Variants in CIT observed in about 807,000 individuals in gnomAD.
The protein encoded by CIT is citron rho-interacting serine/threonine kinase.
A neutral mutation model predicts 272.7 loss-of-function variants in CIT; 79 were observed. The ratio of observed to expected loss-of-function variants is 0.29; its 90% CI spans 0.24 to 0.35. The LOEUF is 0.35. Among genes scored for constraint, CIT ranks in the 10% least tolerant of loss-of-function variants. The probability of loss-of-function intolerance (pLI) is 1.00; values close to 1 mark genes in which losing one functional copy is unlikely to be tolerated. For missense variants in CIT, 1,909 were observed against 2,618.3 expected (o/e 0.73, Z 5.91); for synonymous variants, 948 against 995.6 (o/e 0.95, Z 0.90).
rs756948376 is a variant in CIT at position 119,752,180 on chromosome 12, A to T, written c.2774T>A (p.Leu925Gln). ...KRQLTELQLS[L>Q]QERESQLTAL... ...TGTCAACTGTGACTCGCGCTCCTGC[A>T]GGGAGAGCTGTAGCTCTGTGAGCTG... is the stretch of plus-strand genomic sequence containing the variant. Residue 925 changes from leucine to glutamine, a missense_variant, in exon 23 of 48, where the codon CTG becomes CAG. Transcript: ENST00000392521. The T allele has an allele frequency of 4.3e-6, 7 of 1,612,262 alleles. No individual in the cohort carries two copies. The Admixed American group carries it at 1.2e-4, about 27-fold the overall frequency.
rs755717565 is a variant in CIT at position 119,718,282 on chromosome 12, C to T, written c.4131G>A (p.Pro1377=). The change falls in exon 32 of 48, where the codon CCG becomes CCA. Residue 1377 remains proline (P), a synonymous_variant. Coordinates refer to ENST00000392521, the MANE Select transcript of CIT (RefSeq NM_001206999.2). The surrounding 1 kb of genome is among the most constrained non-coding windows in gnomAD (Gnocchi z 4.8). ...HQPSAMSLLA[P]PSSRRKESST... is the part of the protein sequence containing the mutation. ...AAGACTCCTTTCTGCGGCTGGATGG[C>T]GGGGCCAGCAGGCTCATGGCACTGG... The T allele has an allele frequency of 8.1e-6, 13 of 1,613,554 alleles. No homozygotes were observed. Among genetic ancestry groups the T allele is most frequent in the East Asian group, 4.5e-5 (2 of 44,868 alleles).
intron 4 of CIT, among the ~76,000 whole-genome samples, chr12:119,857,112 C>T (rs1431487279): frequency 6.6e-6 from 1 of 152,190 alleles, no homozygotes; most frequent in Non-Finnish European, 1.5e-5. Flanking sequence ...TATTTGATTT[C>T]TTCAAAGGCC....
Position 119,758,693 on chromosome 12 carries a change from T to C in CIT, c.2429A>G (p.Asn810Ser), listed in dbSNP as rs150492001. 184 of 1,608,552 alleles carry C rather than the reference T, an allele frequency of 1.1e-4. No homozygotes were observed. Among genetic ancestry groups the C allele is most frequent in the Non-Finnish European group, 1.4e-4 (168 of 1,175,036 alleles). The stretch of plus-strand genomic sequence containing the variant: ...GGATCTGATCTTGGAATCCATAGCA[T>C]TGATCATCTGAAACACAGGGCACCT... ...KILSEQKAMINAMDSKIRSLE... is the reference protein window; with the variant it reads ...KILSEQKAMISAMDSKIRSLE... The change falls in exon 21 of 48, where the codon AAT becomes AGT. Residue 810 changes from asparagine (N) to serine (S), a missense_variant. Transcript: ENST00000392521.
At chr12:119,716,261 C>T (rs1225091424) in intron 32 of CIT, among the ~76,000 whole-genome samples, 1 of 151,246 alleles carries the variant, frequency 6.6e-6, no homozygotes, top group African/African-American at 2.4e-5. Flanking sequence ...GCCTATAATC[C>T]CAGCTACTCA....
intron 7 of CIT, among the ~76,000 whole-genome samples, chr12:119,829,673 C>T (rs1968472589): frequency 1.3e-5 from 2 of 152,168 alleles, no homozygotes; most frequent in African/African-American, 4.8e-5. Flanking sequence ...CCAAATGAGA[C>T]AGATTGGAAC....
rs748085699 is a variant in CIT at position 119,747,420 on chromosome 12, CA to C, written c.2904+4629del. ...TGGGCAACAGAGGGAGACTCCATCT[CA>C]AAAAAAAAAAAAAATTAGGCCTGGC... On this transcript the variant is annotated intron_variant, in intron 23 of 47. Coordinates refer to ENST00000392521, the MANE Select transcript of CIT (RefSeq NM_001206999.2). 6.7e-3 allele frequency among the ~76,000 whole-genome samples: 622 copies of C among 92,690 alleles called. 1 individual carries two copies. Among genetic ancestry groups the C allele is most frequent in the Non-Finnish European group, 8.6e-3 (387 of 45,132 alleles). 60.8% of individuals were successfully genotyped at this position (92,690 alleles called of 152,430 possible).
chr12:119,778,655 A>G (rs1593709251), intron 13 of CIT, among the ~76,000 whole-genome samples: 1 of 151,870 alleles, frequency 6.6e-6, no homozygotes, highest in African/African-American at 2.4e-5. Context: ...CCCCCCCCAG[A>G]GCATATTAAA....
intron 7 of CIT, among the ~76,000 whole-genome samples, chr12:119,825,990 C>A (rs1041106011): frequency 3.3e-5 from 5 of 152,124 alleles, no homozygotes; most frequent in Non-Finnish European, 7.4e-5. Flanking sequence ...ATCGCTTGAA[C>A]CTGGGAGGCG....
At chr12:119,730,355 C>A in intron 27 of CIT, 140 bp downstream of exon 27, 1 of 1,028,804 alleles carries the variant, frequency 9.7e-7, no homozygotes, top group Non-Finnish European at 1.3e-6. Context: ...AAGGCAAAAC[C>A]ATGGGACATT....
At chr12:119,769,200 A>G (rs1280803976) in intron 18 of CIT, among the ~76,000 whole-genome samples, 1 of 151,900 alleles carries the variant, frequency 6.6e-6, no homozygotes, top group Non-Finnish European at 1.5e-5. Flanking sequence ...TTTCTGGTCT[A>G]TTTGTGAATG....
At chr12:119,845,180 C>A (rs1375456121) in intron 5 of CIT, among the ~76,000 whole-genome samples, 2 of 151,932 alleles carry the variant, frequency 1.3e-5, no homozygotes, top group Non-Finnish European at 2.9e-5. Context: ...TGCAAGATGG[C>A]AGATGGAAAA....
chr12:119,689,226 GA>G (rs1426030939), intron 47 of CIT, among the ~76,000 whole-genome samples: 1 of 150,024 alleles, frequency 6.7e-6, no homozygotes, highest in Non-Finnish European at 1.5e-5. Context: ...AAAAGTGGGG[GA>G]AAAAGTTAGC....
rs145489542 is a variant in CIT, at chr12:119,737,306, CAAAAAAAAAAAAAAAAA to C, written c.2959-1966_2959-1950del. On this transcript the variant is annotated intron_variant, in intron 24 of 47. Coordinates refer to ENST00000392521, the MANE Select transcript of CIT (RefSeq NM_001206999.2). Reference sequence around the variant, plus strand: ...TGGGTGACAGAGCAAGATTCCATCTCAAAAAAAAAAAAAAAAAAAAAAAAAAAAAAAAAAAAGCCTCT... The same window carrying C: ...TGGGTGACAGAGCAAGATTCCATCTCAAAAAAAAAAAAAAAAAAAGCCTCT... Among the ~76,000 whole-genome samples, 220 of 24,160 alleles carry C rather than the reference CAAAAAAAAAAAAAAAAA, an allele frequency of 9.1e-3. 1 individual carries two copies. Among genetic ancestry groups the C allele is most frequent in the Admixed American group, 0.02 (29 of 1,456 alleles). 15.8% of individuals were successfully genotyped at this position (24,160 alleles called of 152,430 possible). A position where few individuals can be genotyped will look rare whatever the true frequency, so the allele number is the denominator to read the frequency against.
At chr12:119,748,071 G>C (rs1431474850) in intron 23 of CIT, among the ~76,000 whole-genome samples, 1 of 152,030 alleles carries the variant, frequency 6.6e-6, no homozygotes. Context: ...GGCTGAGGTG[G>C]GAGTATCACT....
chr12:119,725,977 C>T (rs1007672069), intron 28 of CIT, among the ~76,000 whole-genome samples: 9 of 151,160 alleles, frequency 6.0e-5, no homozygotes, highest in African/African-American at 2.0e-4. Context: ...CTTAAGGCCA[C>T]GGGGTGAATT....
At chr12:119,826,412 T>C (rs1968163800) in intron 7 of CIT, among the ~76,000 whole-genome samples, 1 of 152,230 alleles carries the variant, frequency 6.6e-6, no homozygotes, top group Non-Finnish European at 1.5e-5. Flanking sequence ...GTCCTTTTTT[T>C]CTGAGAATTT....
chr12:119,701,483 TTGG>T, intron 43 of CIT, 138 bp downstream of exon 43: 2 of 905,292 alleles, frequency 2.2e-6, no homozygotes, highest in South Asian at 1.8e-5. Context: ...CCAAGGGGAC[TTGG>T]TGGTGCTGGA....
intron 7 of CIT, among the ~76,000 whole-genome samples, chr12:119,831,908 G>T (rs1968669716): frequency 6.6e-6 from 1 of 152,154 alleles, no homozygotes; most frequent in Admixed American, 6.5e-5. Flanking sequence ...TTTACATATT[G>T]TCCTTTATGT....
chr12:119,722,680 G>A (rs1957861821), intron 28 of CIT, among the ~76,000 whole-genome samples: 1 of 152,126 alleles, frequency 6.6e-6, no homozygotes, highest in Admixed American at 6.5e-5. Flanking sequence ...ACCTCTCAGA[G>A]CCTCAGTTTC....
Sources: allele counts gnomAD v4.1 joint callset (sites outside exome capture counted in the v4.1 genomes callset), GRCh38; gene constraint gnomAD v4.1.1; non-coding constraint Gnocchi (gnomAD v3.1); transcripts MANE v1.5; gene names NCBI Gene and HGNC (gene_info 2026-07-23, HGNC 2026-07-21).